Variants in PLEKHG1 observed in about 807,000 individuals in gnomAD.
PLEKHG1 encodes the protein pleckstrin homology and RhoGEF domain containing G1, also known as pleckstrin homology domain-containing family G member 1.
PLEKHG1 carries 44 observed loss-of-function variants against 100.8 expected under a neutral mutation model. The observed-to-expected ratio is 0.44, with a 90% confidence interval of 0.34 to 0.56. The LOEUF is 0.56. Ranked by LOEUF, PLEKHG1 falls within the 20% of genes least tolerant of loss-of-function variation. PLEKHG1 has a pLI of 0.01. For synonymous variants in PLEKHG1, 640 were observed against 662.5 expected (o/e 0.97, Z 0.52); for missense variants, 1,545 against 1,720.9 (o/e 0.90, Z 1.81).
intron 3 of PLEKHG1, among the ~76,000 whole-genome samples, chr6:150,712,899 G>GCTATCCC (rs1437577625): frequency 7.2e-5 from 11 of 152,190 alleles, no homozygotes; most frequent in African/African-American, 2.4e-4. Flanking sequence ...TTAATTGAAG[G>GCTATCCC]ACAGTTTGAA....
At chr6:150,788,516 G>A (rs575912425) in intron 4 of PLEKHG1, among the ~76,000 whole-genome samples, 1 of 152,298 alleles carries the variant, frequency 6.6e-6, no homozygotes, top group African/African-American at 2.4e-5. Context: ...GGAGAACATG[G>A]TTGCTTTTTA....
chr6:150,688,575 G>T (rs1372777268), intron 3 of PLEKHG1, among the ~76,000 whole-genome samples: 1 of 152,058 alleles, frequency 6.6e-6, no homozygotes, highest in African/African-American at 2.4e-5. Flanking sequence ...ACCTGCGTTG[G>T]CCTCCCAAAG....
chr6:150,822,540 A>G (rs1170586910), intron 13 of PLEKHG1, among the ~76,000 whole-genome samples: 3 of 152,234 alleles, frequency 2.0e-5, no homozygotes, highest in Non-Finnish European at 4.4e-5. Flanking sequence ...TGCAGTTGGA[A>G]ATATACTTAA....
intron 3 of PLEKHG1, among the ~76,000 whole-genome samples, chr6:150,678,724 A>T (rs1294407141): frequency 6.6e-6 from 1 of 152,238 alleles, no homozygotes; most frequent in Non-Finnish European, 1.5e-5. Flanking sequence ...TTCAGGGTTG[A>T]ATTACAAATA....
At chr6:150,808,457 T>C (rs930638651) in intron 7 of PLEKHG1, among the ~76,000 whole-genome samples, 3 of 150,400 alleles carry the variant, frequency 2.0e-5, no homozygotes, top group Non-Finnish European at 4.4e-5. Flanking sequence ...GTGAGAAAAA[T>C]CAAGGGAAGG....
At chr6:150,804,835 T>A in intron 7 of PLEKHG1, 94 bp downstream of exon 8, 2 of 1,146,554 alleles carry the variant, frequency 1.7e-6, no homozygotes, top group Non-Finnish European at 2.5e-6. Context: ...AGTACTGCAC[T>A]ACACTCATCA....
chr6:150,771,606 C>T (rs965275661), intron 3 of PLEKHG1, among the ~76,000 whole-genome samples: 2 of 151,510 alleles, frequency 1.3e-5, no homozygotes, highest in Non-Finnish European at 2.9e-5. Flanking sequence ...AGTGCAGTGG[C>T]GCAGTCTCGG....
chr6:150,733,688 C>T lies in PLEKHG1; in HGVS notation c.7C>T (p.Leu3Phe), dbSNP rs960146518. 4 of 1,614,178 alleles carry T rather than the reference C, an allele frequency of 2.5e-6. No homozygotes were observed. The East Asian group carries it at 6.7e-5, about 27-fold the overall frequency. Residue 3 changes from leucine (L) to phenylalanine (F), a missense_variant, in exon 2 of 16, where the codon CTC (leucine) becomes TTC (phenylalanine). Physicochemically the swap from Leu to Phe is conservative, Grantham distance 22 (BLOSUM62 0). Transcript: ENST00000358517. ...CCCTCAAGAACTGAAGACAATGGAG[C>T]TCTCTGATAGTGACCGACCCGTCAG...
chr6:150,628,844 G>T (rs1326945277), intron 1 of PLEKHG1, among the ~76,000 whole-genome samples: 1 of 152,194 alleles, frequency 6.6e-6, no homozygotes, highest in Non-Finnish European at 1.5e-5. Flanking sequence ...CTCCAGGTAA[G>T]AATGTAGTGC....
intron 1 of PLEKHG1, among the ~76,000 whole-genome samples, chr6:150,728,557 C>T (rs1243896172): frequency 1.3e-5 from 2 of 151,758 alleles, no homozygotes; most frequent in Non-Finnish European, 2.9e-5. Context: ...GCCTGGGTGA[C>T]AGAGTGAGAC....
At chr6:150,610,455 C>T (rs768298163) in intron 1 of PLEKHG1, among the ~76,000 whole-genome samples, 1 of 152,218 alleles carries the variant, frequency 6.6e-6, no homozygotes, top group Non-Finnish European at 1.5e-5. Context: ...TGTCCACCTT[C>T]CCTCACTAGA....
chr6:150,666,924 C>T (rs1011167026), intron 3 of PLEKHG1, among the ~76,000 whole-genome samples: 6 of 152,210 alleles, frequency 3.9e-5, no homozygotes, highest in Admixed American at 6.5e-5. Context: ...CCACACCCGG[C>T]TAATTTTTTT....
At position 150,831,402 on chromosome 6, in the gene PLEKHG1, A is replaced by G. The variant is rs1281457415; in HGVS notation, c.2291A>G (p.Lys764Arg). Reference sequence around the variant, plus strand: ...AAGTGCAGCAGCCTAAAGCGTGCAAAGCGGAGCACCTTTTTGGGTCTGGAG... The same window carrying G: ...AAGTGCAGCAGCCTAAAGCGTGCAAGGCGGAGCACCTTTTTGGGTCTGGAG... The change falls in exon 15 of 16, where the codon AAG becomes AGG. Residue 764 changes from lysine to arginine, a missense_variant. Lys to Arg is a conservative substitution (Grantham distance 26). Coordinates refer to ENST00000358517, the Ensembl canonical transcript of PLEKHG1. The surrounding 1 kb of genome is among the most constrained non-coding windows in gnomAD (Gnocchi z 4.1). The G allele has an allele frequency of 1.9e-6, 3 of 1,614,008 alleles. No individual in the cohort carries two copies. In the African/African-American group the frequency reaches 4.0e-5, roughly 22 times the overall value.
intron 3 of PLEKHG1, among the ~76,000 whole-genome samples, chr6:150,699,681 C>T (rs542109233): frequency 5.3e-5 from 8 of 152,264 alleles, no homozygotes; most frequent in African/African-American, 1.9e-4. Flanking sequence ...TCAGAACACC[C>T]CGCGAGGCCA....
chr6:150,612,457 C>T (rs561708464), intron 1 of PLEKHG1, among the ~76,000 whole-genome samples: 9 of 152,122 alleles, frequency 5.9e-5, no homozygotes, highest in Admixed American at 4.6e-4. Flanking sequence ...CTCAGCCTCC[C>T]GAATAGCTGG....
At chr6:150,716,871 A>G (rs1325578479), upstream of PLEKHG1, among the ~76,000 whole-genome samples, 4 of 152,092 alleles carry the variant, frequency 2.6e-5, no homozygotes, top group Non-Finnish European at 5.9e-5. Flanking sequence ...TTTTTGTTTG[A>G]GACAGGCTCT....
intron 2 of PLEKHG1, among the ~76,000 whole-genome samples, chr6:150,745,448 C>T (rs548001793): frequency 2.6e-5 from 4 of 152,170 alleles, no homozygotes; most frequent in African/African-American, 4.8e-5. Flanking sequence ...TGTGGGAGGC[C>T]GAGGCAGGTG....
At chr6:150,697,430 C>A (rs1408071408) in intron 3 of PLEKHG1, among the ~76,000 whole-genome samples, 1 of 152,150 alleles carries the variant, frequency 6.6e-6, no homozygotes, top group Non-Finnish European at 1.5e-5. Flanking sequence ...AGGCACTAGC[C>A]TTAAAGAAGC....
At chr6:150,698,639 G>C (rs1035967761) in intron 3 of PLEKHG1, among the ~76,000 whole-genome samples, 1 of 152,146 alleles carries the variant, frequency 6.6e-6, no homozygotes, top group African/African-American at 2.4e-5. Context: ...AGTACCTCCT[G>C]TAACGCAACT....
Sources: allele counts gnomAD v4.1 joint callset (sites outside exome capture counted in the v4.1 genomes callset), GRCh38; gene constraint gnomAD v4.1.1; non-coding constraint Gnocchi (gnomAD v3.1); transcripts MANE v1.5; gene names NCBI Gene and HGNC (gene_info 2026-07-23, HGNC 2026-07-21).